Variants in RUNX1T1 observed in about 807,000 individuals in gnomAD.
RUNX1T1 encodes the protein protein CBFA2T1.
A neutral mutation model predicts 62.8 loss-of-function variants in RUNX1T1; 4 were observed. That is an observed-to-expected ratio of 0.06 (90% CI 0.03 to 0.15). The LOEUF (loss-of-function observed/expected upper bound fraction) is 0.15. RUNX1T1 is among the 10% of genes least tolerant of loss of function. The pLI is 1.00. For missense variants in RUNX1T1, 508 were observed against 754.3 expected, an observed-to-expected ratio of 0.67 and a Z score of 3.82; for synonymous variants, 291 against 286.0, an observed-to-expected ratio of 1.02 and a Z score of -0.18.
chr8:91,955,811 A>G (rs1161596720), downstream of RUNX1T1: 1 of 226,866 alleles, frequency 4.4e-6, no homozygotes, highest in African/African-American at 2.2e-5. Context: ...CTACACATAA[A>G]AACTAACAGC....
chr8:92,056,177 A>C (rs1168820713), intron 1 of RUNX1T1, among the ~76,000 whole-genome samples: 1 of 152,214 alleles, frequency 6.6e-6, no homozygotes, highest in Non-Finnish European at 1.5e-5. Flanking sequence ...GTTCAAACGT[A>C]AAATAACGAG....
intron 8 of RUNX1T1, chr8:91,979,741 G>T (rs891568002): frequency 8.5e-6 from 4 of 471,196 alleles, no homozygotes; most frequent in African/African-American, 7.9e-5. Context: ...AGCAATCTAT[G>T]ATGTATGAAA....
At chr8:92,019,258 A>T (rs1823611010) in intron 1 of RUNX1T1, 3 of 152,078 alleles carry the variant, frequency 2.0e-5, no homozygotes, top group Admixed American at 2.0e-4. Flanking sequence ...GGAGGGAGGG[A>T]AAAAGGGAGG....
At chr8:91,978,978 C>T (rs1814588624) in intron 8 of RUNX1T1, among the ~76,000 whole-genome samples, 1 of 152,146 alleles carries the variant, frequency 6.6e-6, no homozygotes, top group Non-Finnish European at 1.5e-5. Flanking sequence ...TGCTAACCTA[C>T]CTTCTAAAAG....
At chr8:92,038,506 T>A (rs1404084471) in intron 1 of RUNX1T1, among the ~76,000 whole-genome samples, 1 of 151,962 alleles carries the variant, frequency 6.6e-6, no homozygotes, top group African/African-American at 2.4e-5. Context: ...TGAGGTGGGA[T>A]AAAGCAAAGA....
chr8:92,021,544 T>C (rs995640678), intron 1 of RUNX1T1, among the ~76,000 whole-genome samples: 1 of 152,162 alleles, frequency 6.6e-6, no homozygotes, highest in Non-Finnish European at 1.5e-5. Context: ...AGTGGGATAC[T>C]TGGCATAACA....
chr8:92,088,092 G>C (rs1043649782), intron 1 of RUNX1T1, among the ~76,000 whole-genome samples: 2 of 152,212 alleles, frequency 1.3e-5, no homozygotes, highest in Admixed American at 6.5e-5. Context: ...TGTGTGACAG[G>C]TGGGCAAAGG....
At chr8:91,999,646 A>G (rs1819381983) in intron 5 of RUNX1T1, among the ~76,000 whole-genome samples, 1 of 152,190 alleles carries the variant, frequency 6.6e-6, no homozygotes, top group Non-Finnish European at 1.5e-5. Context: ...GCCTTCTGGA[A>G]TCTATGTCAT....
chr8:92,002,716 C>A (rs1187983682), intron 5 of RUNX1T1, among the ~76,000 whole-genome samples: 1 of 152,040 alleles, frequency 6.6e-6, no homozygotes, highest in Non-Finnish European at 1.5e-5. Context: ...TTAATAGACT[C>A]CAAAATCTCA....
intron 1 of RUNX1T1, among the ~76,000 whole-genome samples, chr8:92,060,553 A>ATATATATG: frequency 4.2e-4 from 27 of 63,942 alleles, no homozygotes; most frequent in African/African-American, 7.5e-4. Flanking sequence ...ATATATATAT[A>ATATATATG]TGTGTGTGTG....
intron 10 of RUNX1T1, among the ~76,000 whole-genome samples, chr8:91,968,415 G>T (rs1812091794): frequency 6.6e-6 from 1 of 152,140 alleles, no homozygotes; most frequent in African/African-American, 2.4e-5. Flanking sequence ...AAACTTCTAA[G>T]AAATGAGAAC....
chr8:92,102,940 G>A (rs1018107838), upstream of RUNX1T1: 1 of 1,500,184 alleles, frequency 6.7e-7, no homozygotes, highest in Non-Finnish European at 8.8e-7. The surrounding 1 kb of genome is among the most constrained non-coding windows in gnomAD (Gnocchi z 4.5). Context: ...CCGGCCCGCG[G>A]GGCGACGGGG....
intron 1 of RUNX1T1, among the ~76,000 whole-genome samples, chr8:92,076,478 T>G (rs1201435180): frequency 6.6e-6 from 1 of 152,118 alleles, no homozygotes; most frequent in Non-Finnish European, 1.5e-5. Context: ...AAAAAATAAA[T>G]AATCTGTCAG....
At chr8:92,026,616 T>C (rs1825197978) in intron 1 of RUNX1T1, among the ~76,000 whole-genome samples, 1 of 151,474 alleles carries the variant, frequency 6.6e-6, no homozygotes, top group African/African-American at 2.4e-5. Context: ...GGTCAGGAGA[T>C]TGAGACCATC....
At chr8:91,987,675 T>C (rs1816856038) in intron 6 of RUNX1T1, among the ~76,000 whole-genome samples, 2 of 152,110 alleles carry the variant, frequency 1.3e-5, no homozygotes, top group African/African-American at 4.8e-5. Flanking sequence ...GAAAAAGTAA[T>C]ACATAAGTGT....
chr8:91,992,720 C>T (rs961149668), intron 5 of RUNX1T1, among the ~76,000 whole-genome samples: 6 of 152,104 alleles, frequency 3.9e-5, no homozygotes, highest in African/African-American at 1.4e-4. Context: ...AACACATACC[C>T]AGAGAGCTAA....
At chr8:92,014,870 G>T in intron 2 of RUNX1T1, 50 bp from the exon 4 acceptor site, 1 of 1,515,964 alleles carries the variant, frequency 6.6e-7, no homozygotes, top group Non-Finnish European at 8.8e-7. Context: ...CAGAGAACAT[G>T]CATGAGGAAA....
intron 1 of RUNX1T1, among the ~76,000 whole-genome samples, chr8:92,079,803 T>C (rs893433108): frequency 8.5e-5 from 13 of 152,246 alleles, no homozygotes; most frequent in Admixed American, 8.5e-4. Flanking sequence ...TCTGGCTGGA[T>C]AAACTCCCTG....
At chr8:91,981,698 A>C (rs1440771589) in intron 8 of RUNX1T1, among the ~76,000 whole-genome samples, 1 of 152,066 alleles carries the variant, frequency 6.6e-6, no homozygotes, top group African/African-American at 2.4e-5. Flanking sequence ...TACAGGCGTC[A>C]GCCAACACTC....
Sources: gnomAD v4.1 joint callset for allele counts (sites outside exome capture counted in the v4.1 genomes callset) on GRCh38, gnomAD v4.1.1 for gene constraint, Gnocchi (gnomAD v3.1) non-coding constraint, MANE v1.5 for transcripts, NCBI Gene and HGNC (gene_info 2026-07-23, HGNC 2026-07-21) for gene names.